Variants in DMXL2 observed in about 807,000 individuals in gnomAD.
DMXL2 encodes the protein Dmx like 2, also known as dmX-like protein 2.
A neutral mutation model predicts 331.1 loss-of-function variants in DMXL2; 103 were observed. That is an observed-to-expected ratio of 0.31 (90% CI 0.27 to 0.37). The LOEUF is 0.37. Among genes scored for constraint, DMXL2 ranks in the 10% least tolerant of loss-of-function variants. DMXL2 has a pLI of 1.00. For synonymous variants in DMXL2, 1,281 were observed against 1,252.1 expected (o/e 1.02, Z -0.49); for missense variants, 3,171 against 3,642.9 (o/e 0.87, Z 3.33).
chr15:51,494,863 T>C (rs919409835), intron 19 of DMXL2, among the ~76,000 whole-genome samples, 161 bp downstream of exon 19: 16 of 152,124 alleles, frequency 1.1e-4, no homozygotes, highest in African/African-American at 3.4e-4. Flanking sequence ...GAAGGATACA[T>C]AGAAAAATGG....
chr15:51,537,469 T>C lies in DMXL2; in HGVS notation c.1617+19A>G. On this transcript the variant is annotated intron_variant, in intron 11 of 43. Transcript: ENST00000560891. ...ACTATTTTAAGAAATGTAATAACTATTTCATCAATAAAATATACCTGAACT... is the reference window on the plus strand; with the variant it reads ...ACTATTTTAAGAAATGTAATAACTACTTCATCAATAAAATATACCTGAACT... 2 of 1,582,558 alleles carry C rather than the reference T, an allele frequency of 1.3e-6. No individual in the cohort carries two copies. Among genetic ancestry groups the C allele is most frequent in the Non-Finnish European group, 1.7e-6 (2 of 1,158,958 alleles).
intron 43 of DMXL2, 85 bp from the exon 44 acceptor site, chr15:51,449,278 G>A: frequency 7.2e-7 from 1 of 1,389,950 alleles, no homozygotes; most frequent in Non-Finnish European, 1.0e-6. Flanking sequence ...TGGCCCAAGT[G>A]ATCTCACTAA....
chr15:51,497,891 G>A (rs2043295116), intron 18 of DMXL2, among the ~76,000 whole-genome samples: 2 of 152,064 alleles, frequency 1.3e-5, no homozygotes, highest in Non-Finnish European at 2.9e-5. Context: ...TAACAAATGG[G>A]CTGTTATTAT....
intron 29 of DMXL2, among the ~76,000 whole-genome samples, chr15:51,469,467 C>G (rs909544094): frequency 6.6e-6 from 1 of 151,702 alleles, no homozygotes; most frequent in African/African-American, 2.4e-5. Flanking sequence ...TTAATGTTAA[C>G]AGAAAAAAAA....
intron 1 of DMXL2, among the ~76,000 whole-genome samples, chr15:51,594,173 G>C (rs1382122341): frequency 6.6e-6 from 1 of 152,126 alleles, no homozygotes; most frequent in African/African-American, 2.4e-5. Flanking sequence ...CCACTAGCAA[G>C]ACTAATAAAG....
intron 1 of DMXL2, among the ~76,000 whole-genome samples, chr15:51,588,083 G>A (rs2051997853): frequency 6.6e-6 from 1 of 151,302 alleles, no homozygotes; most frequent in South Asian, 2.1e-4. Flanking sequence ...TTTGTCAGCT[G>A]AGTAGGTTGC....
intron 1 of DMXL2, chr15:51,603,835 T>A (rs1415192241): frequency 6.6e-6 from 1 of 150,878 alleles, no homozygotes; most frequent in Non-Finnish European, 1.5e-5. Flanking sequence ...ACCACTGCAC[T>A]CCAGCCTGGG....
intron 1 of DMXL2, among the ~76,000 whole-genome samples, chr15:51,620,713 A>G (rs1365173533): frequency 6.6e-6 from 1 of 152,216 alleles, no homozygotes; most frequent in Non-Finnish European, 1.5e-5. Context: ...GGATATGAAA[A>G]GGAGTAAATC....
chr15:51,466,535 ACT>A (rs968134063), intron 29 of DMXL2: 5 of 159,768 alleles, frequency 3.1e-5, no homozygotes, highest in Non-Finnish European at 5.4e-5. Flanking sequence ...ACAAGGTAAA[ACT>A]CTCATATTCA....
At chr15:51,490,137 A>G (rs142884685) in intron 20 of DMXL2, among the ~76,000 whole-genome samples, 7 of 152,304 alleles carry the variant, frequency 4.6e-5, no homozygotes, top group African/African-American at 7.2e-5. Flanking sequence ...ATTCCTTCTT[A>G]TATCTGTGCT....
At chr15:51,522,788 A>C (rs1038046432) in intron 13 of DMXL2, among the ~76,000 whole-genome samples, 1 of 152,252 alleles carries the variant, frequency 6.6e-6, no homozygotes, top group Non-Finnish European at 1.5e-5. Flanking sequence ...TACTGGAACA[A>C]CTATCACACT....
chr15:51,480,846 A>G lies in DMXL2; in HGVS notation c.6260T>C (p.Ile2087Thr). ...TTTAATAACTGATTCATGATTACAT[A>G]TCTCATGCAAGGCAGCAATTTCCTT... ...LEKEIAALHEICNHESVIKEY... is the reference protein window; with the variant it reads ...LEKEIAALHETCNHESVIKEY... The change falls in exon 24 of 44, where the codon ATA (isoleucine) becomes ACA (threonine). Residue 2087 changes from isoleucine to threonine, a missense_variant. Transcript: ENST00000560891. 6.2e-7 allele frequency: 1 copy of G among 1,613,088 alleles called. No homozygotes were observed. The highest frequency in any genetic ancestry group is 8.5e-7 in the Non-Finnish European group (1 of 1,179,608).
intron 6 of DMXL2, among the ~76,000 whole-genome samples, chr15:51,560,065 A>G (rs2049856220): frequency 6.6e-6 from 1 of 152,246 alleles, no homozygotes; most frequent in Non-Finnish European, 1.5e-5. Flanking sequence ...TGAACTATTC[A>G]GTAAATGTTA....
At chr15:51,617,672 T>G (rs970525127) in intron 1 of DMXL2, among the ~76,000 whole-genome samples, 1 of 152,244 alleles carries the variant, frequency 6.6e-6, no homozygotes, top group Non-Finnish European at 1.5e-5. Context: ...GAGAAGTCCA[T>G]ATAATTTTCA....
At chr15:51,587,272 C>T (rs2051915140) in intron 1 of DMXL2, among the ~76,000 whole-genome samples, 1 of 152,166 alleles carries the variant, frequency 6.6e-6, no homozygotes, top group Non-Finnish European at 1.5e-5. Flanking sequence ...CACCCATTAA[C>T]TCATCATTTA....
chr15:51,466,833 T>C (rs2040621144), intron 29 of DMXL2, among the ~76,000 whole-genome samples: 1 of 151,998 alleles, frequency 6.6e-6, no homozygotes, highest in African/African-American at 2.4e-5. Flanking sequence ...TTTAAAATGA[T>C]TCTGAAGTTC....
intron 17 of DMXL2, among the ~76,000 whole-genome samples, chr15:51,500,600 A>G (rs1470713643): frequency 1.3e-5 from 2 of 152,210 alleles, no homozygotes; most frequent in East Asian, 1.9e-4. Context: ...TTAGAATTTC[A>G]TACTATATAT....
intron 16 of DMXL2, among the ~76,000 whole-genome samples, chr15:51,505,019 C>CT (rs2043956769): frequency 6.6e-6 from 1 of 152,188 alleles, no homozygotes; most frequent in Non-Finnish European, 1.5e-5. Context: ...GTTACATACC[C>CT]TTACTCCATT....
At chr15:51,484,438 A>G (rs1187246457) in intron 23 of DMXL2, among the ~76,000 whole-genome samples, 1 of 152,250 alleles carries the variant, frequency 6.6e-6, no homozygotes, top group Non-Finnish European at 1.5e-5. Context: ...GGCAACTGAG[A>G]GGATTGCAAA....
Sources: allele counts gnomAD v4.1 joint callset (sites outside exome capture counted in the v4.1 genomes callset), GRCh38; gene constraint gnomAD v4.1.1; transcripts MANE v1.5; gene names NCBI Gene and HGNC (gene_info 2026-07-23, HGNC 2026-07-21).